CNTNAP2: variants seen among roughly 807,000 people sequenced by gnomAD.
CNTNAP2 encodes contactin-associated protein-like 2.
In CNTNAP2, 98 loss-of-function variants were observed where a neutral mutation model predicts 155.2. The observed-to-expected ratio is 0.63, with a 90% CI of 0.54 to 0.75. The LOEUF (loss-of-function observed/expected upper bound fraction) is 0.75. Among genes scored for constraint, CNTNAP2 ranks in the 30% least tolerant of loss-of-function variants. The pLI is 0.00. For missense variants in CNTNAP2, 1,727 were observed against 1,688.1 expected (o/e 1.02, Z -0.40); for synonymous variants, 651 against 631.2 (o/e 1.03, Z -0.47).
intron 2 of CNTNAP2, among the ~76,000 whole-genome samples, chr7:146,777,565 AC>A (rs1441303286): frequency 6.6e-6 from 1 of 151,472 alleles, no homozygotes; most frequent in Admixed American, 6.6e-5. Context: ...ACAATACAAA[AC>A]TTTTTTTTTT....
At chr7:148,023,123 C>A (rs2116921054) in intron 15 of CNTNAP2, among the ~76,000 whole-genome samples, 1 of 152,250 alleles carries the variant, frequency 6.6e-6, no homozygotes, top group Non-Finnish European at 1.5e-5. Context: ...CTGAATTAAA[C>A]CGCAGCTCCC....
chr7:146,722,739 A>T lies in CNTNAP2; in HGVS notation c.98-51532A>T, dbSNP rs140257382. ...ATATATATATATATACACGTTGGCG[A>T]GGTGCAGTCGCTCACGCCTGTAATC... On this transcript the variant is annotated intron_variant, in intron 1 of 23. Transcript: ENST00000361727. Among the ~76,000 whole-genome samples, 12 of 152,034 alleles carry T rather than the reference A, an allele frequency of 7.9e-5. No individual in the cohort carries two copies. The East Asian group carries it at 2.3e-3, about 30-fold the overall frequency.
intron 8 of CNTNAP2, among the ~76,000 whole-genome samples, chr7:147,173,841 G>A (rs567662518): frequency 4.9e-4 from 74 of 152,258 alleles, no homozygotes; most frequent in South Asian, 1.0e-3. Flanking sequence ...TAACTGCAGC[G>A]GCACCTGAGG....
intron 19 of CNTNAP2, among the ~76,000 whole-genome samples, chr7:148,218,732 C>A (rs1375539452): frequency 6.6e-6 from 1 of 151,846 alleles, no homozygotes; most frequent in Admixed American, 6.6e-5. Context: ...CCATCTTGGT[C>A]GTCAAACACA....
chr7:148,220,353 C>G (rs1315830674), intron 19 of CNTNAP2, among the ~76,000 whole-genome samples: 1 of 152,198 alleles, frequency 6.6e-6, no homozygotes, highest in Non-Finnish European at 1.5e-5. Flanking sequence ...CCGCCCGCCT[C>G]GGCCTTCCAA....
chr7:146,394,866 C>G (rs1249743875), intron 1 of CNTNAP2, among the ~76,000 whole-genome samples: 2 of 152,054 alleles, frequency 1.3e-5, no homozygotes, highest in Non-Finnish European at 1.5e-5. Context: ...ACATTGTACC[C>G]ACTGGGTAAT....
At chr7:147,985,890 G>A (rs1207276191) in intron 15 of CNTNAP2, among the ~76,000 whole-genome samples, 10 of 152,132 alleles carry the variant, frequency 6.6e-5, no homozygotes, top group Admixed American at 6.5e-4. Flanking sequence ...GAAATCTCAG[G>A]GCGCTGGGGC....
intron 13 of CNTNAP2, among the ~76,000 whole-genome samples, chr7:147,721,904 G>A (rs1215462714): frequency 6.6e-6 from 1 of 152,066 alleles, no homozygotes; most frequent in Non-Finnish European, 1.5e-5. Flanking sequence ...TAACTTCATA[G>A]GCAATTGTTT....
At chr7:148,282,174 T>C (rs1188539008) in intron 21 of CNTNAP2, among the ~76,000 whole-genome samples, 2 of 152,202 alleles carry the variant, frequency 1.3e-5, no homozygotes, top group East Asian at 3.9e-4. Flanking sequence ...TAATCTTTGC[T>C]TATCACCCAA....
At chr7:148,091,129 G>A (rs1056422888) in intron 15 of CNTNAP2, among the ~76,000 whole-genome samples, 2 of 152,044 alleles carry the variant, frequency 1.3e-5, no homozygotes, top group African/African-American at 4.8e-5. Context: ...GACAAAAGGA[G>A]TAATTTCAAG....
In CNTNAP2 at chr7:146,715,562, C is replaced by T. The variant is rs542842487; in HGVS notation, c.98-58709C>T. ...ATTTGTATACAGTTTCAGCAGCAAACTCCCTACAGGCCATACACTAGATTC... is the reference window on the plus strand; with the variant it reads ...ATTTGTATACAGTTTCAGCAGCAAATTCCCTACAGGCCATACACTAGATTC... On this transcript the variant is annotated intron_variant, in intron 1 of 23. Coordinates refer to ENST00000361727, the MANE Select transcript of CNTNAP2 (RefSeq NM_014141.6). Among the ~76,000 whole-genome samples the T allele has an allele frequency of 3.9e-5, 6 of 152,242 alleles. No individual in the cohort carries two copies. In the East Asian group the frequency reaches 1.2e-3, roughly 29 times the overall value.
chr7:148,261,637 G>T (rs556626446), intron 20 of CNTNAP2, among the ~76,000 whole-genome samples: 9 of 152,174 alleles, frequency 5.9e-5, no homozygotes, highest in Admixed American at 5.9e-4. Flanking sequence ...CTGGGGGAGC[G>T]ACAGGCTGGC....
At chr7:146,552,340 C>T (rs975841824) in intron 1 of CNTNAP2, among the ~76,000 whole-genome samples, 7 of 152,248 alleles carry the variant, frequency 4.6e-5, no homozygotes, top group African/African-American at 1.7e-4. Context: ...TCATTCTTTT[C>T]GTTTTGCAGC....
intron 1 of CNTNAP2, among the ~76,000 whole-genome samples, chr7:146,537,016 A>G (rs1424387607): frequency 6.6e-6 from 1 of 152,180 alleles, no homozygotes; most frequent in Non-Finnish European, 1.5e-5. Context: ...TTATATTTGA[A>G]CGGTTAAAAT....
rs994155516 is a variant in CNTNAP2 at position 148,236,971 on chromosome 7, A to G, written c.3381+7192A>G. On this transcript the variant is annotated intron_variant, in intron 20 of 23. Transcript: ENST00000361727. ...TTCCATGATCCCATCAACTCCCACCATGACCTCATTTTGGACACTGGGAAT... is the reference window on the plus strand; with the variant it reads ...TTCCATGATCCCATCAACTCCCACCGTGACCTCATTTTGGACACTGGGAAT... Among the ~76,000 whole-genome samples the G allele has an allele frequency of 2.0e-5, 3 of 152,190 alleles. No individual in the cohort carries two copies. In the South Asian group the frequency reaches 6.2e-4, roughly 32 times the overall value.
At chr7:147,053,875 C>G (rs1254964850) in intron 4 of CNTNAP2, among the ~76,000 whole-genome samples, 2 of 152,064 alleles carry the variant, frequency 1.3e-5, no homozygotes, top group Non-Finnish European at 2.9e-5. Context: ...ATTTTGATTA[C>G]TACAAAGAGG....
intron 8 of CNTNAP2, among the ~76,000 whole-genome samples, chr7:147,144,415 G>T (rs561027434): frequency 4.1e-4 from 62 of 152,232 alleles, no homozygotes; most frequent in Non-Finnish European, 6.0e-4. Flanking sequence ...ACTTTGTTCA[G>T]CTATGGTTGA....
chr7:146,400,836 C>G (rs1795703738), intron 1 of CNTNAP2, among the ~76,000 whole-genome samples: 1 of 152,140 alleles, frequency 6.6e-6, no homozygotes, highest in Non-Finnish European at 1.5e-5. Flanking sequence ...GCACAGGCAT[C>G]TGAATAACTT....
chr7:147,300,154 T>A lies in CNTNAP2; in HGVS notation c.1362T>A (p.Asn454Lys). The change falls in exon 9 of 24, where the codon AAT becomes AAA. Residue 454 changes from asparagine (N) to lysine (K), a missense_variant. Physicochemically the swap from Asn to Lys is moderately conservative, Grantham distance 94. Coordinates refer to ENST00000361727, the MANE Select transcript of CNTNAP2 (RefSeq NM_014141.6). ...TGTACTTACCAGGTTCTGGGTTGAA[T>A]GATGGACAGTGGCACGAGGTTCGCT... ...QIDISSGSGL[N>K]DGQWHEVRFL... is the part of the protein sequence containing the mutation. The A allele has an allele frequency of 6.2e-7, 1 of 1,614,062 alleles. No individual in the cohort carries two copies. Among genetic ancestry groups the A allele is most frequent in the Non-Finnish European group, 8.5e-7 (1 of 1,179,936 alleles).
Sources: gnomAD v4.1 joint callset for allele counts (sites outside exome capture counted in the v4.1 genomes callset) on GRCh38, gnomAD v4.1.1 for gene constraint, MANE v1.5 for transcripts, NCBI Gene and HGNC (gene_info 2026-07-23, HGNC 2026-07-21) for gene names.